Variants in PHACTR1 observed in about 807,000 individuals in gnomAD.
The protein encoded by PHACTR1 is phosphatase and actin regulator 1.
A neutral mutation model predicts 69.2 loss-of-function variants in PHACTR1; 16 were observed. The observed-to-expected ratio is 0.23, with a 90% confidence interval of 0.16 to 0.35. The LOEUF is 0.35. Among genes scored for constraint, PHACTR1 ranks in the 10% least tolerant of loss-of-function variants. The probability of loss-of-function intolerance (pLI) is 1.00; values close to 1 mark genes in which losing one functional copy is unlikely to be tolerated. For synonymous variants in PHACTR1, 312 were observed against 284.5 expected (o/e 1.10, Z -0.97); for missense variants, 510 against 734.7 (o/e 0.69, Z 3.54).
rs1770566662 is a variant in PHACTR1, at chr6:13,230,028, C to T, written c.1235-9C>T. 1 of 1,600,964 alleles carries T rather than the reference C, an allele frequency of 6.2e-7. No homozygotes were observed. Among genetic ancestry groups the T allele is most frequent in the Non-Finnish European group, 8.5e-7 (1 of 1,173,622 alleles). The stretch of plus-strand genomic sequence containing the variant: ...TAAGCCTTAATTGACTCATTTCTGT[C>T]TCCTACAGGCTCCCTGGCCATGAAG... On this transcript the variant is annotated splice_polypyrimidine_tract_variant and intron_variant, in intron 9 of 14. Coordinates refer to ENST00000332995, the MANE Select transcript of PHACTR1 (RefSeq NM_030948.6).
chr6:13,059,897 T>C (rs1807422435), intron 5 of PHACTR1, among the ~76,000 whole-genome samples: 1 of 152,022 alleles, frequency 6.6e-6, no homozygotes, highest in South Asian at 2.1e-4. Context: ...CGTTTGCATA[T>C]ATATAATAAT....
intron 4 of PHACTR1, among the ~76,000 whole-genome samples, chr6:13,038,789 T>C (rs925615685): frequency 1.3e-5 from 2 of 152,236 alleles, no homozygotes; most frequent in Non-Finnish European, 2.9e-5. Flanking sequence ...GGCTGCTATG[T>C]CTGATGGCTC....
chr6:12,917,634 C>T (rs1036819544), intron 4 of PHACTR1, among the ~76,000 whole-genome samples: 1 of 152,042 alleles, frequency 6.6e-6, no homozygotes, highest in Non-Finnish European at 1.5e-5. Flanking sequence ...ATGAGCCTAT[C>T]GTCCCAGCTA....
intron 4 of PHACTR1, among the ~76,000 whole-genome samples, chr6:12,772,745 T>C (rs965512067): frequency 6.6e-6 from 1 of 152,220 alleles, no homozygotes; most frequent in African/African-American, 2.4e-5. Flanking sequence ...CGACAACTTA[T>C]TGATCAAAAA....
chr6:12,920,007 T>C (rs1787463484), intron 4 of PHACTR1, among the ~76,000 whole-genome samples: 1 of 152,234 alleles, frequency 6.6e-6, no homozygotes, highest in African/African-American at 2.4e-5. Flanking sequence ...CTTCAAAACA[T>C]TGTAATATCT....
At chr6:13,244,129 C>T (rs918314174) in intron 10 of PHACTR1, among the ~76,000 whole-genome samples, 1 of 151,916 alleles carries the variant, frequency 6.6e-6, no homozygotes, top group Admixed American at 6.6e-5. Context: ...GCTGGGCGTC[C>T]GGGGGAGACA....
At chr6:13,234,261 C>T (rs1771660264) in intron 10 of PHACTR1, among the ~76,000 whole-genome samples, 1 of 152,220 alleles carries the variant, frequency 6.6e-6, no homozygotes, top group Non-Finnish European at 1.5e-5. Context: ...ATTCCCTAGT[C>T]ATTTGCCCTG....
At chr6:13,051,610 G>A (rs189612651) in intron 4 of PHACTR1, among the ~76,000 whole-genome samples, 7 of 152,094 alleles carry the variant, frequency 4.6e-5, no homozygotes, top group African/African-American at 1.2e-4. Context: ...CCAGGGATCC[G>A]CTTCTCCCTC....
At chr6:13,095,136 A>G (rs1400006800) in intron 5 of PHACTR1, among the ~76,000 whole-genome samples, 2 of 152,220 alleles carry the variant, frequency 1.3e-5, no homozygotes, top group Non-Finnish European at 2.9e-5. Context: ...TGATCTTGGA[A>G]TTCCCAGTCT....
intron 3 of PHACTR1, among the ~76,000 whole-genome samples, chr6:12,744,917 G>T (rs898933284): frequency 3.3e-5 from 5 of 151,908 alleles, no homozygotes; most frequent in African/African-American, 9.7e-5. Flanking sequence ...CCCTGGCCAG[G>T]ACCTCCAGTA....
At chr6:12,869,164 A>T (rs1238120964) in intron 4 of PHACTR1, among the ~76,000 whole-genome samples, 2 of 152,204 alleles carry the variant, frequency 1.3e-5, no homozygotes, top group Non-Finnish European at 2.9e-5. Flanking sequence ...CTCACAGGGC[A>T]TTGATAGATT....
intron 3 of PHACTR1, among the ~76,000 whole-genome samples, chr6:12,745,280 G>A (rs1765631650): frequency 6.6e-6 from 1 of 152,032 alleles, no homozygotes; most frequent in South Asian, 2.1e-4. Flanking sequence ...TTTTTCTTTG[G>A]CTGTAGTTCT....
intron 7 of PHACTR1, among the ~76,000 whole-genome samples, chr6:13,200,578 C>T (rs963150926): frequency 5.9e-5 from 9 of 152,144 alleles, no homozygotes; most frequent in Non-Finnish European, 1.3e-4. Flanking sequence ...AGAAATAGTG[C>T]CCTTTTGTTC....
At chr6:12,958,164 T>C (rs979451421) in intron 4 of PHACTR1, 1 of 504,182 alleles carries the variant, frequency 2.0e-6, no homozygotes, top group African/African-American at 2.1e-5. Flanking sequence ...ATCAATAGAT[T>C]TGGTTTTGAA....
At chr6:13,223,764 C>T (rs12205644) in intron 8 of PHACTR1, among the ~76,000 whole-genome samples, 85,348 of 151,976 alleles carry the variant, frequency 0.56, 25,511 homozygotes, top group Admixed American at 0.67. Flanking sequence ...AGAACAGCAC[C>T]TGTCCCATAC....
chr6:13,185,072 G>C (rs1186872647), intron 7 of PHACTR1: 1 of 1,228,336 alleles, frequency 8.1e-7, no homozygotes, highest in Non-Finnish European at 1.1e-6. Flanking sequence ...TTTTTCTCTT[G>C]TTCTTTGAAC....
chr6:12,884,130 G>A (rs949804717), intron 4 of PHACTR1, among the ~76,000 whole-genome samples: 1 of 151,504 alleles, frequency 6.6e-6, no homozygotes, highest in Non-Finnish European at 1.5e-5. Flanking sequence ...ATACACACAT[G>A]CATACATATA....
At chr6:12,764,791 T>C (rs1768415107) in intron 4 of PHACTR1, among the ~76,000 whole-genome samples, 1 of 152,072 alleles carries the variant, frequency 6.6e-6, no homozygotes, top group Non-Finnish European at 1.5e-5. Flanking sequence ...CAATCTATCA[T>C]CATGCATAGA....
intron 4 of PHACTR1, among the ~76,000 whole-genome samples, chr6:12,812,133 G>A (rs1775078959): frequency 6.6e-6 from 1 of 152,098 alleles, no homozygotes; most frequent in Admixed American, 6.6e-5. Flanking sequence ...AGAAAACCAT[G>A]TGGCCACTTA....
Sources: allele counts gnomAD v4.1 joint callset (sites outside exome capture counted in the v4.1 genomes callset), GRCh38; gene constraint gnomAD v4.1.1; transcripts MANE v1.5; gene names NCBI Gene and HGNC (gene_info 2026-07-23, HGNC 2026-07-21).